Variants in BTBD9 observed in about 807,000 individuals in gnomAD.
The protein encoded by BTBD9 is BTB domain containing 9.
BTBD9 carries 49 observed loss-of-function variants against 64.3 expected under a neutral mutation model. The ratio of observed to expected loss-of-function variants is 0.76; its 90% CI spans 0.61 to 0.97. The LOEUF (loss-of-function observed/expected upper bound fraction) is 0.97, where lower values mean the gene tolerates loss of function less well. Among genes scored for constraint, BTBD9 ranks in the 50% least tolerant of loss-of-function variants. BTBD9 has a pLI of 0.00. For synonymous variants in BTBD9, 260 were observed against 274.7 expected (o/e 0.95, Z 0.53); for missense variants, 598 against 762.1 (o/e 0.78, Z 2.53).
chr6:38,190,452 G>C (rs948334988), intron 10 of BTBD9, among the ~76,000 whole-genome samples: 19 of 122,906 alleles, frequency 1.5e-4, no homozygotes, highest in African/African-American at 5.6e-4. Context: ...TTGGGTGACA[G>C]AGTGAAACTC....
At chr6:38,590,882 C>T (rs192237574) in intron 4 of BTBD9, among the ~76,000 whole-genome samples, 32 of 152,230 alleles carry the variant, frequency 2.1e-4, no homozygotes, top group Admixed American at 9.2e-4. Context: ...ACTTAATCCC[C>T]ACATTTATAT....
At chr6:38,366,909 G>A (rs1433656987) in intron 6 of BTBD9, among the ~76,000 whole-genome samples, 1 of 152,200 alleles carries the variant, frequency 6.6e-6, no homozygotes, top group Non-Finnish European at 1.5e-5. Context: ...GGTTAGGTAA[G>A]GTAAGCACAC....
chr6:38,461,419 G>A (rs930748156), intron 6 of BTBD9, among the ~76,000 whole-genome samples: 2 of 152,090 alleles, frequency 1.3e-5, no homozygotes, highest in Non-Finnish European at 2.9e-5. Context: ...GAATCATACA[G>A]TATGTATTAT....
intron 6 of BTBD9, among the ~76,000 whole-genome samples, chr6:38,498,827 C>T (rs1004918497): frequency 1.3e-5 from 2 of 152,172 alleles, no homozygotes; most frequent in African/African-American, 4.8e-5. Context: ...GACCTCAGTT[C>T]TGTGTTGATT....
chr6:38,475,645 G>C (rs1285224569), intron 6 of BTBD9, among the ~76,000 whole-genome samples: 1 of 152,164 alleles, frequency 6.6e-6, no homozygotes, highest in African/African-American at 2.4e-5. Context: ...TGTAATATTT[G>C]TTGACTGCCC....
chr6:38,507,493 T>A (rs184244154), intron 6 of BTBD9, among the ~76,000 whole-genome samples: 13 of 152,308 alleles, frequency 8.5e-5, no homozygotes, highest in South Asian at 4.1e-4. Flanking sequence ...TCAACCCTCT[T>A]CTCTCCATAC....
intron 6 of BTBD9, among the ~76,000 whole-genome samples, chr6:38,452,343 C>T (rs964963187): frequency 6.6e-6 from 1 of 152,072 alleles, no homozygotes; most frequent in South Asian, 2.1e-4. Flanking sequence ...TACCACTATA[C>T]TATGCTGTCT....
At chr6:38,353,206 G>A (rs1764590848) in intron 6 of BTBD9, among the ~76,000 whole-genome samples, 1 of 152,160 alleles carries the variant, frequency 6.6e-6, no homozygotes, top group Non-Finnish European at 1.5e-5. Flanking sequence ...CAGGATACAG[G>A]CAAAAATCTA....
chr6:38,585,817 T>C (rs889808611), intron 4 of BTBD9, among the ~76,000 whole-genome samples: 3 of 152,050 alleles, frequency 2.0e-5, no homozygotes, highest in Non-Finnish European at 4.4e-5. Flanking sequence ...AATTACATTG[T>C]TCAAAAAGCT....
At chr6:38,585,167 C>T (rs1241649760) in intron 4 of BTBD9, among the ~76,000 whole-genome samples, 2 of 152,090 alleles carry the variant, frequency 1.3e-5, no homozygotes, top group African/African-American at 2.4e-5. Context: ...CTACACACTC[C>T]CATGGAGGAA....
intron 6 of BTBD9, among the ~76,000 whole-genome samples, chr6:38,537,949 C>T (rs1295076147): frequency 6.6e-6 from 1 of 152,148 alleles, no homozygotes; most frequent in African/African-American, 2.4e-5. Context: ...TGGCAGAGCC[C>T]CCTTGCCAGC....
chr6:38,578,158 G>T (rs1004328192), intron 5 of BTBD9, among the ~76,000 whole-genome samples: 3 of 152,114 alleles, frequency 2.0e-5, no homozygotes, highest in Admixed American at 6.5e-5. Flanking sequence ...TCCCTGGCCA[G>T]GGTGTTCGGC....
Position 38,173,541 on chromosome 6 carries a change from T to C in BTBD9, c.*1444A>G, listed in dbSNP as rs1017021675. The stretch of plus-strand genomic sequence containing the variant: ...CACGCAGTTTGATGCTACCCTACTA[T>C]TTCCATATGGACAAATCACTCAAAA... On this transcript the variant is annotated 3_prime_UTR_variant, in exon 11 of 11. Transcript: ENST00000481247. 6.6e-6 allele frequency: 1 copy of C among 152,256 alleles called. No individual in the cohort carries two copies. Among genetic ancestry groups the C allele is most frequent in the Non-Finnish European group, 1.5e-5 (1 of 68,050 alleles). The allele number at this position is 152,256 out of a possible 1,614,324, so 9.4% of individuals were successfully genotyped here.
intron 6 of BTBD9, among the ~76,000 whole-genome samples, chr6:38,512,250 G>C (rs1772809301): frequency 6.6e-6 from 1 of 152,164 alleles, no homozygotes; most frequent in African/African-American, 2.4e-5. Flanking sequence ...TGAGATTACA[G>C]GCGTGAACCA....
At chr6:38,369,616 A>G (rs1487613217) in intron 6 of BTBD9, among the ~76,000 whole-genome samples, 1 of 152,234 alleles carries the variant, frequency 6.6e-6, no homozygotes, top group Non-Finnish European at 1.5e-5. Context: ...ATTTCAAGGA[A>G]AGATGTTTGT....
At chr6:38,633,370 T>C (rs954781837) in intron 1 of BTBD9, among the ~76,000 whole-genome samples, 24 of 152,182 alleles carry the variant, frequency 1.6e-4, no homozygotes, top group African/African-American at 5.8e-4. Flanking sequence ...GTTACCTTAT[T>C]AGTAAAATGG....
chr6:38,476,777 C>T (rs1007091973), intron 6 of BTBD9, among the ~76,000 whole-genome samples: 2 of 152,202 alleles, frequency 1.3e-5, no homozygotes, highest in African/African-American at 2.4e-5. Context: ...ATAGAGACAG[C>T]GTATCCAGCT....
At chr6:38,232,815 A>G (rs1763657254) in intron 9 of BTBD9, among the ~76,000 whole-genome samples, 1 of 152,022 alleles carries the variant, frequency 6.6e-6, no homozygotes, top group African/African-American at 2.4e-5. Context: ...TTTTTAAATG[A>G]GTCTCTCTGG....
intron 9 of BTBD9, among the ~76,000 whole-genome samples, chr6:38,233,662 AG>A (rs1274113023): frequency 6.6e-6 from 1 of 152,210 alleles, no homozygotes; most frequent in Non-Finnish European, 1.5e-5. Context: ...AGGAAGCAAT[AG>A]CCCTGCTACC....
Sources: allele counts gnomAD v4.1 joint callset (sites outside exome capture counted in the v4.1 genomes callset), GRCh38; gene constraint gnomAD v4.1.1; transcripts MANE v1.5; gene names NCBI Gene and HGNC (gene_info 2026-07-23, HGNC 2026-07-21).